Variants in SLC25A21 observed in about 807,000 individuals in gnomAD.
SLC25A21 encodes mitochondrial 2-oxodicarboxylate carrier.
Under a neutral mutation model 43.8 loss-of-function variants are expected in SLC25A21, and 47 were observed. The observed-to-expected ratio is 1.07, with a 90% CI of 0.85 to 1.37. The LOEUF is 1.37. SLC25A21 is among the 40% of genes most tolerant of loss of function. SLC25A21 has a pLI of 0.00. For synonymous variants in SLC25A21, 131 were observed against 121.3 expected (o/e 1.08, Z -0.52); for missense variants, 352 against 350.2 (o/e 1.00, Z -0.04).
At chr14:36,737,331 T>A (rs1329807581) in intron 3 of SLC25A21, among the ~76,000 whole-genome samples, 1 of 152,066 alleles carries the variant, frequency 6.6e-6, no homozygotes, top group Non-Finnish European at 1.5e-5. Flanking sequence ...GGGAGAAGCA[T>A]AAGGATTTAA....
intron 3 of SLC25A21, among the ~76,000 whole-genome samples, chr14:36,798,743 T>A (rs1280544812): frequency 1.3e-5 from 2 of 152,118 alleles, no homozygotes; most frequent in Non-Finnish European, 2.9e-5. Context: ...CTTCATCTCC[T>A]TCTATATCAA....
rs1362898070 is a variant in SLC25A21 at position 36,789,898 on chromosome 14, ATATATATTTATATATAT to A, written c.203+24003_203+24019del. 4.9e-4 allele frequency among the ~76,000 whole-genome samples: 59 copies of A among 121,374 alleles called. 1 individual carries two copies. Among genetic ancestry groups the A allele is most frequent in the Admixed American group, 2.1e-4 (2 of 9,478 alleles). 79.6% of individuals were successfully genotyped at this position (121,374 alleles called of 152,430 possible). ...TATATATTTATATAAAATATATATT[ATATATATTTATATATAT>A]TATATATTTATATATTATATATAAA... On this transcript the variant is annotated intron_variant, in intron 3 of 9. Coordinates refer to ENST00000331299, the MANE Select transcript of SLC25A21 (RefSeq NM_030631.4).
At position 36,813,955 on chromosome 14, in the gene SLC25A21, A is replaced by G; in HGVS notation, c.166T>C (p.Leu56=). ...CATDPNSYKS[L]VDSFRMIFQM... ...AAAATCATTCGAAAGCTGTCTACCA[A>G]GCTTTTATAACTGTTTGGATCGGTT... is the stretch of plus-strand genomic sequence containing the variant. Residue 56 remains leucine, a synonymous_variant, in exon 3 of 10, where the codon TTG becomes CTG. Transcript: ENST00000331299. 1 of 1,610,014 alleles carries G rather than the reference A, an allele frequency of 6.2e-7. No individual in the cohort carries two copies. The highest frequency in any genetic ancestry group is 8.5e-7 in the Non-Finnish European group (1 of 1,179,044).
At chr14:36,797,965 T>C (rs534109742) in intron 3 of SLC25A21, among the ~76,000 whole-genome samples, 1 of 152,216 alleles carries the variant, frequency 6.6e-6, no homozygotes, top group Non-Finnish European at 1.5e-5. Flanking sequence ...TCAATATGTA[T>C]ACTGGCTTTT....
chr14:36,971,996 C>T (rs753944577), intron 1 of SLC25A21, among the ~76,000 whole-genome samples: 2 of 152,082 alleles, frequency 1.3e-5, no homozygotes, highest in South Asian at 2.1e-4. Flanking sequence ...CACATATATA[C>T]AGTTATGTGC....
intron 1 of SLC25A21, among the ~76,000 whole-genome samples, chr14:37,022,831 G>T (rs1465231844): frequency 6.6e-6 from 1 of 151,966 alleles, no homozygotes; most frequent in East Asian, 1.9e-4. Flanking sequence ...AATGAATTAG[G>T]ACAAATCATT....
intron 1 of SLC25A21, among the ~76,000 whole-genome samples, chr14:36,961,972 G>A (rs1464696129): frequency 1.3e-5 from 2 of 152,066 alleles, no homozygotes; most frequent in Non-Finnish European, 2.9e-5. Context: ...AGCAATTAGG[G>A]GTGCCACTTC....
At chr14:36,924,050 A>C in intron 1 of SLC25A21, among the ~76,000 whole-genome samples, 1 of 152,134 alleles carries the variant, frequency 6.6e-6, no homozygotes, top group Non-Finnish European at 1.5e-5. Context: ...GGATGTGGAG[A>C]AATAGGAACA....
intron 1 of SLC25A21, among the ~76,000 whole-genome samples, chr14:36,974,337 CTTCAT>C (rs1959820129): frequency 6.6e-6 from 1 of 152,148 alleles, no homozygotes; most frequent in Admixed American, 6.5e-5. Context: ...CTCTCTACTC[CTTCAT>C]TTCTATTTGC....
intron 2 of SLC25A21, among the ~76,000 whole-genome samples, chr14:36,828,882 A>G (rs555476236): frequency 1.3e-5 from 2 of 152,106 alleles, no homozygotes; most frequent in East Asian, 3.9e-4. Context: ...GCTCTTCCAG[A>G]TCCACTCTCT....
chr14:37,058,793 C>G (rs1409728963), intron 1 of SLC25A21, among the ~76,000 whole-genome samples: 1 of 152,156 alleles, frequency 6.6e-6, no homozygotes, highest in Non-Finnish European at 1.5e-5. Flanking sequence ...TCTAGGAAAT[C>G]AGTCCTTTTC....
chr14:36,749,988 G>T (rs776557019), intron 3 of SLC25A21, among the ~76,000 whole-genome samples: 1 of 152,088 alleles, frequency 6.6e-6, no homozygotes, highest in African/African-American at 2.4e-5. Context: ...GCTCCATGAG[G>T]GTATGGCAGG....
intron 1 of SLC25A21, chr14:37,171,815 T>C (rs1964134404): frequency 6.2e-6 from 1 of 160,324 alleles, no homozygotes; most frequent in Non-Finnish European, 1.4e-5. Context: ...AAGCACAGTA[T>C]GCAATAAGAA....
intron 2 of SLC25A21, among the ~76,000 whole-genome samples, chr14:36,872,814 C>T (rs563120188): frequency 6.6e-6 from 1 of 152,136 alleles, no homozygotes; most frequent in Non-Finnish European, 1.5e-5. Flanking sequence ...TTGTTATATC[C>T]ATTTCAAGAA....
chr14:36,983,604 AC>A (rs1960078625), intron 1 of SLC25A21, among the ~76,000 whole-genome samples: 1 of 152,210 alleles, frequency 6.6e-6, no homozygotes, highest in Admixed American at 6.5e-5. Context: ...CTAAAACAGA[AC>A]TACCTTTTGA....
At chr14:37,123,967 C>T (rs974237140) in intron 1 of SLC25A21, among the ~76,000 whole-genome samples, 2 of 151,668 alleles carry the variant, frequency 1.3e-5, no homozygotes, top group Non-Finnish European at 2.9e-5. Context: ...CTACGCTTTT[C>T]TCCATTTTTC....
chr14:36,796,775 T>C (rs1369665567), intron 3 of SLC25A21, among the ~76,000 whole-genome samples: 2 of 152,210 alleles, frequency 1.3e-5, no homozygotes, highest in African/African-American at 2.4e-5. Context: ...GTTCCAGTGA[T>C]GAAATTGAAA....
intron 1 of SLC25A21, among the ~76,000 whole-genome samples, chr14:37,124,775 G>T (rs527822389): frequency 6.6e-6 from 1 of 152,238 alleles, no homozygotes; most frequent in East Asian, 1.9e-4. Context: ...TTTCCCACTT[G>T]GTGCTGTTCT....
In SLC25A21 at chr14:37,147,452, C is replaced by T. The variant is rs192456486; in HGVS notation, c.70+24829G>A. 7.6e-3 allele frequency among the ~76,000 whole-genome samples: 1,152 copies of T among 152,120 alleles called. 11 individuals carry two copies. The highest frequency in any genetic ancestry group is 0.011 in the Non-Finnish European group (767 of 67,998). On this transcript the variant is annotated intron_variant, in intron 1 of 9. Coordinates refer to ENST00000331299, the MANE Select transcript of SLC25A21 (RefSeq NM_030631.4). ...TGGCACCTTCCTATCTCATTGTCAA[C>T]GAGAAGCCACCACACTATCTCCACA...
Sources: gnomAD v4.1 joint callset for allele counts (sites outside exome capture counted in the v4.1 genomes callset) on GRCh38, gnomAD v4.1.1 for gene constraint, MANE v1.5 for transcripts, NCBI Gene and HGNC (gene_info 2026-07-23, HGNC 2026-07-21) for gene names.